The following AKAP10 variants were observed in gnomAD, a reference collection of about 807,000 sequenced individuals.
AKAP10 encodes A-kinase anchoring protein 10, also known as A-kinase anchor protein 10, mitochondrial.
A neutral mutation model predicts 80.8 loss-of-function variants in AKAP10; 24 were observed. The observed-to-expected ratio is 0.30, with a 90% CI of 0.22 to 0.42. The LOEUF (loss-of-function observed/expected upper bound fraction) is 0.42. Ranked by LOEUF, AKAP10 falls within the 10% of genes least tolerant of loss-of-function variation. The pLI, the probability that AKAP10 is intolerant of heterozygous loss-of-function variation, is 1.00. For missense variants in AKAP10, 661 were observed against 794.9 expected, an observed-to-expected ratio of 0.83 and a Z score of 2.03; for synonymous variants, 291 against 277.7, an observed-to-expected ratio of 1.05 and a Z score of -0.48.
Position 19,968,401 on chromosome 17 carries a change from G to T in AKAP10, c.136+13C>A. ...ACTTTTTAATGCAGTGGACTGCCAAGGGCAGAACTTACCTTTAATGGACTT... is the reference window on the plus strand; with the variant it reads ...ACTTTTTAATGCAGTGGACTGCCAATGGCAGAACTTACCTTTAATGGACTT... On this transcript the variant is annotated intron_variant, in intron 2 of 14. Transcript: ENST00000225737. 1 of 1,611,220 alleles carries T rather than the reference G, an allele frequency of 6.2e-7. No individual in the cohort carries two copies. Among genetic ancestry groups the T allele is most frequent in the Non-Finnish European group, 8.5e-7 (1 of 1,177,710 alleles).
chr17:19,914,484 G>A (rs1029482498), intron 12 of AKAP10, among the ~76,000 whole-genome samples: 3 of 151,794 alleles, frequency 2.0e-5, no homozygotes, highest in Non-Finnish European at 2.9e-5. Context: ...TCTACAAAAA[G>A]TAAAATAATA....
chr17:19,960,241 T>C (rs571227865), intron 3 of AKAP10, among the ~76,000 whole-genome samples: 2 of 152,344 alleles, frequency 1.3e-5, no homozygotes, highest in Admixed American at 6.5e-5. Flanking sequence ...ATTCTTGTTT[T>C]TAGTTCTTTG....
rs1257245429 is a variant in AKAP10 at position 19,946,266 on chromosome 17, TA to T, written c.976+1140del. On this transcript the variant is annotated intron_variant, in intron 5 of 14. Coordinates refer to ENST00000225737, the MANE Select transcript of AKAP10 (RefSeq NM_007202.4). Reference sequence around the variant, plus strand: ...ATATATATATATATATATATATATATATATATATATTTTTTTTTTTTTTTTT... The same window carrying T: ...ATATATATATATATATATATATATATTATATATATTTTTTTTTTTTTTTTT... Among the ~76,000 whole-genome samples, 18 of 31,884 alleles carry T rather than the reference TA, an allele frequency of 5.6e-4. 1 individual carries two copies. The highest frequency in any genetic ancestry group is 3.1e-3 in the Admixed American group (6 of 1,922). 20.9% of individuals were successfully genotyped at this position (31,884 alleles called of 152,430 possible). A position where few individuals can be genotyped will look rare whatever the true frequency, so the allele number is the denominator to read the frequency against.
intron 11 of AKAP10, among the ~76,000 whole-genome samples, chr17:19,920,901 AGGGTCTT>A: frequency 1.3e-5 from 2 of 148,428 alleles, no homozygotes. Flanking sequence ...AAATACAGTA[AGGGTCTT>A]ATTTTTAAGG....
chr17:19,940,622 C>T (rs114087798), intron 7 of AKAP10, among the ~76,000 whole-genome samples: 1,879 of 152,136 alleles, frequency 0.012, 32 homozygotes, highest in African/African-American at 0.042. Flanking sequence ...TAAAATAGCT[C>T]CAAATAATTA....
intron 1 of AKAP10, among the ~76,000 whole-genome samples, chr17:19,969,870 T>C (rs1597533601): frequency 6.6e-6 from 1 of 152,188 alleles, no homozygotes; most frequent in Non-Finnish European, 1.5e-5. Flanking sequence ...TTTAAAAATG[T>C]TGTAGGGTCA....
At chr17:19,929,392 A>C (rs2042908392) in intron 10 of AKAP10, 1 of 152,242 alleles carries the variant, frequency 6.6e-6, no homozygotes, top group South Asian at 2.1e-4. Context: ...GGTTTTATTT[A>C]TAAAATGACA....
At chr17:19,924,732 G>A (rs1352097157) in intron 10 of AKAP10, among the ~76,000 whole-genome samples, 1 of 152,070 alleles carries the variant, frequency 6.6e-6, no homozygotes, top group Non-Finnish European at 1.5e-5. Flanking sequence ...TACATGCCGG[G>A]CACAGTGACT....
chr17:19,962,287 C>T (rs2043360194), intron 3 of AKAP10, among the ~76,000 whole-genome samples: 1 of 131,620 alleles, frequency 7.6e-6, no homozygotes, highest in African/African-American at 3.0e-5. Context: ...TACATACATA[C>T]ATACATATAC....
rs1405397315 is a variant in AKAP10 at position 19,962,919 on chromosome 17, C to G, written c.240G>C (p.Met80Ile). The part of the protein sequence containing the change: ...HVAINAISAN[M>I]DSFSSSRTAT... ...CTGTCCTGCTACTTGAAAAGGAGTC[C>G]ATGTTGGCAGAAATGGCATTGATTG... Residue 80 changes from methionine to isoleucine, a missense_variant, in exon 3 of 15, where the codon ATG becomes ATC. Physicochemically the swap from Met to Ile is conservative, Grantham distance 10 (BLOSUM62 1). Transcript: ENST00000225737. 6.2e-7 allele frequency: 1 copy of G among 1,614,016 alleles called. No individual in the cohort carries two copies. Among genetic ancestry groups the G allele is most frequent in the Non-Finnish European group, 8.5e-7 (1 of 1,179,938 alleles).
intron 4 of AKAP10, among the ~76,000 whole-genome samples, chr17:19,953,111 C>T (rs972743431): frequency 6.6e-6 from 1 of 151,666 alleles, no homozygotes; most frequent in Non-Finnish European, 1.5e-5. Context: ...AGAAAAATAA[C>T]AGGAAAAAAG....
rs147924429 is a variant in AKAP10 at position 19,929,783 on chromosome 17, C to A, written c.1641+2022G>T. On this transcript the variant is annotated intron_variant, in intron 10 of 14. Coordinates refer to ENST00000225737, the MANE Select transcript of AKAP10 (RefSeq NM_007202.4). The stretch of plus-strand genomic sequence containing the variant: ...CATGAGGTCAGCAGTTCAATACCAG[C>A]CTGACCAACATGGTGAAACCCCTTC... 406 of 152,126 alleles carry A rather than the reference C, an allele frequency of 2.7e-3. 14 individuals carry two copies. In the East Asian group the frequency reaches 0.074, roughly 28 times the overall value. 9.4% of individuals were successfully genotyped at this position (152,126 alleles called of 1,614,324 possible). A position where few individuals can be genotyped will look rare whatever the true frequency, so the allele number is the denominator to read the frequency against.
At chr17:19,933,759 A>G (rs370886533) in intron 9 of AKAP10, among the ~76,000 whole-genome samples, 1 of 152,248 alleles carries the variant, frequency 6.6e-6, no homozygotes, top group African/African-American at 2.4e-5. Flanking sequence ...GTTTTTATGT[A>G]TGGTATTATA....
intron 8 of AKAP10, 84 bp from the exon 9 acceptor site, chr17:19,936,514 A>G: frequency 7.4e-7 from 1 of 1,342,426 alleles, no homozygotes; most frequent in Non-Finnish European, 1.0e-6. Flanking sequence ...AGAATCTTAT[A>G]CAAGGCTACT....
chr17:19,907,354 T>C (rs1194772626), intron 14 of AKAP10, among the ~76,000 whole-genome samples: 1 of 151,958 alleles, frequency 6.6e-6, no homozygotes, highest in Non-Finnish European at 1.5e-5. Flanking sequence ...AGAAATTCCA[T>C]TTGGTTCTTT....
At chr17:19,950,241 G>T (rs536942487) in intron 4 of AKAP10, among the ~76,000 whole-genome samples, 24 of 151,524 alleles carry the variant, frequency 1.6e-4, no homozygotes, top group Non-Finnish European at 5.9e-5. Flanking sequence ...AAATAAATAA[G>T]TAAGATAAAT....
chr17:19,971,169 A>G (rs371294630), intron 1 of AKAP10, among the ~76,000 whole-genome samples: 3 of 151,992 alleles, frequency 2.0e-5, no homozygotes, highest in East Asian at 3.9e-4. Flanking sequence ...ATATATATAC[A>G]TGTATGTGTA....
At chr17:19,950,788 A>C (rs1451365949) in intron 4 of AKAP10, among the ~76,000 whole-genome samples, 1 of 149,698 alleles carries the variant, frequency 6.7e-6, no homozygotes, top group Non-Finnish European at 1.5e-5. Context: ...GGATGTGAGG[A>C]GCCCCTCTGA....
rs1319628599 is a variant in AKAP10 at position 19,946,260 on chromosome 17, TA to T, written c.976+1146del. Among the ~76,000 whole-genome samples, 12 of 27,814 alleles carry T rather than the reference TA, an allele frequency of 4.3e-4. 2 individuals are homozygous for T. In the East Asian group the frequency reaches 0.01, roughly 24 times the overall value. 18.2% of individuals were successfully genotyped at this position (27,814 alleles called of 152,430 possible). A position where few individuals can be genotyped will look rare whatever the true frequency, so the allele number is the denominator to read the frequency against. Reference sequence around the variant, plus strand: ...TATTATATATATATATATATATATATATATATATATATATATTTTTTTTTTT... The same window carrying T: ...TATTATATATATATATATATATATATTATATATATATATATTTTTTTTTTT... On this transcript the variant is annotated intron_variant, in intron 5 of 14. Transcript: ENST00000225737.
Sources: allele counts gnomAD v4.1 joint callset (sites outside exome capture counted in the v4.1 genomes callset), GRCh38; gene constraint gnomAD v4.1.1; transcripts MANE v1.5; gene names NCBI Gene and HGNC (gene_info 2026-07-23, HGNC 2026-07-21).